The following PDE4B variants were observed in gnomAD, a reference collection of about 807,000 sequenced individuals.
PDE4B encodes the protein phosphodiesterase 4B.
In PDE4B, 20 loss-of-function variants were observed where a neutral mutation model predicts 82.2. The observed-to-expected ratio is 0.24, with a 90% CI of 0.17 to 0.35. The LOEUF is 0.35. PDE4B is among the 10% of genes least tolerant of loss of function. The pLI, the probability that PDE4B is intolerant of heterozygous loss-of-function variation, is 1.00. For missense variants in PDE4B, 655 were observed against 907.2 expected, an observed-to-expected ratio of 0.72 and a Z score of 3.57; for synonymous variants, 320 against 318.9, an observed-to-expected ratio of 1.00 and a Z score of -0.04.
intron 9 of PDE4B, among the ~76,000 whole-genome samples, chr1:66,357,627 CTT>C (rs1662360080): frequency 6.6e-6 from 1 of 151,850 alleles, no homozygotes; most frequent in African/African-American, 2.4e-5. Context: ...CTTATAGACT[CTT>C]AGCATTAAGA....
At chr1:65,845,863 G>A (rs1301521412) in intron 1 of PDE4B, among the ~76,000 whole-genome samples, 2 of 152,116 alleles carry the variant, frequency 1.3e-5, no homozygotes, top group Non-Finnish European at 2.9e-5. Context: ...AGGAAACCAT[G>A]AGAACTCCTC....
intron 1 of PDE4B, among the ~76,000 whole-genome samples, chr1:65,847,723 G>GAAGGTATTAAGGGAAAGTCCGGAA (rs954767896): frequency 6.6e-6 from 1 of 152,192 alleles, no homozygotes; most frequent in African/African-American, 2.4e-5. Context: ...CTAAGAAGCA[G>GAAGGTATTAAGGGAAAGTCCGGAA]AAGGTATTAA....
chr1:66,126,689 G>T (rs1645830898), intron 3 of PDE4B, among the ~76,000 whole-genome samples: 2 of 152,166 alleles, frequency 1.3e-5, no homozygotes, highest in Non-Finnish European at 2.9e-5. Context: ...ATAGTTGCAG[G>T]CAAGATCCAC....
At chr1:66,220,178 A>G (rs941300367) in intron 3 of PDE4B, among the ~76,000 whole-genome samples, 1 of 152,186 alleles carries the variant, frequency 6.6e-6, no homozygotes, top group African/African-American at 2.4e-5. Flanking sequence ...AAAAGTTCAC[A>G]AGATTGGATG....
At chr1:66,341,330 G>T (rs1660966346) in intron 8 of PDE4B, among the ~76,000 whole-genome samples, 1 of 152,328 alleles carries the variant, frequency 6.6e-6, no homozygotes. Context: ...TTCAGCAAAA[G>T]GCTAGATATG....
At chr1:65,879,197 C>G (rs1646682823) in intron 1 of PDE4B, among the ~76,000 whole-genome samples, 1 of 152,088 alleles carries the variant, frequency 6.6e-6, no homozygotes, top group Non-Finnish European at 1.5e-5. Context: ...ATTCTTCCTC[C>G]CAGGCCATAA....
rs1027048929 is a variant in PDE4B at position 66,357,377 on chromosome 1, G to A, written c.841+1757G>A. Reference sequence around the variant, plus strand: ...GTCTACCAAGAAAGAAAGCTGATAAGATAATAAAGATGATTCATTCCTCAG... The same window carrying A: ...GTCTACCAAGAAAGAAAGCTGATAAAATAATAAAGATGATTCATTCCTCAG... On this transcript the variant is annotated intron_variant, in intron 9 of 16. Transcript: ENST00000341517. Among the ~76,000 whole-genome samples the A allele has an allele frequency of 2.0e-5, 3 of 151,876 alleles. No homozygotes were observed. The East Asian group carries it at 5.8e-4, about 29-fold the overall frequency.
intron 9 of PDE4B, 119 bp from the exon 10 acceptor site, chr1:66,361,496 T>C: frequency 1.4e-6 from 1 of 738,546 alleles, no homozygotes; most frequent in East Asian, 2.5e-5. Flanking sequence ...GAAATAGTGC[T>C]ACAAGATTTT....
intron 3 of PDE4B, among the ~76,000 whole-genome samples, chr1:66,145,890 T>G (rs142212648): frequency 9.3e-4 from 141 of 152,298 alleles, no homozygotes; most frequent in Non-Finnish European, 1.8e-3. Flanking sequence ...TCAGCCCTGA[T>G]GTTGAATAAT....
In PDE4B at chr1:65,902,687, C is replaced by G. The variant is rs181365637; in HGVS notation, c.-70-10558C>G. 3.9e-4 allele frequency among the ~76,000 whole-genome samples: 59 copies of G among 152,190 alleles called. 1 individual carries two copies. The highest frequency in any genetic ancestry group is 2.8e-4 in the Non-Finnish European group (19 of 68,006). On this transcript the variant is annotated intron_variant, in intron 1 of 16. Transcript: ENST00000341517. Reference sequence around the variant, plus strand: ...TGTTTCATCTATGATTCCTCAATGCCTATACAGTACACAGCCCTCAGTAAT... The same window carrying G: ...TGTTTCATCTATGATTCCTCAATGCGTATACAGTACACAGCCCTCAGTAAT...
intron 3 of PDE4B, chr1:65,993,126 A>G: frequency 6.2e-7 from 1 of 1,613,118 alleles, no homozygotes; most frequent in Non-Finnish European, 8.5e-7. Flanking sequence ...TCGTCGCTTC[A>G]CTGTGGCTCA....
At chr1:66,098,042 T>A (rs951081609) in intron 3 of PDE4B, among the ~76,000 whole-genome samples, 1 of 152,100 alleles carries the variant, frequency 6.6e-6, no homozygotes, top group African/African-American at 2.4e-5. Flanking sequence ...TTCTTGCGGA[T>A]GCTCCATGTA....
intron 1 of PDE4B, among the ~76,000 whole-genome samples, chr1:65,840,053 T>C (rs1646189213): frequency 6.6e-6 from 1 of 152,208 alleles, no homozygotes; most frequent in Admixed American, 6.6e-5. Flanking sequence ...GAAGTTAGTA[T>C]GTGTAAATTG....
chr1:66,235,472 T>G (rs569040217), intron 3 of PDE4B, among the ~76,000 whole-genome samples: 5 of 152,366 alleles, frequency 3.3e-5, no homozygotes, highest in African/African-American at 1.2e-4. Context: ...GGTAATATTC[T>G]TAACTCTGGA....
intron 1 of PDE4B, among the ~76,000 whole-genome samples, chr1:65,808,767 G>T (rs1050955499): frequency 3.9e-5 from 6 of 152,154 alleles, no homozygotes; most frequent in African/African-American, 1.4e-4. Flanking sequence ...AGTACAAAAG[G>T]TTTCTATGTG....
At chr1:65,959,447 C>T (rs566460603) in intron 3 of PDE4B, among the ~76,000 whole-genome samples, 6 of 152,020 alleles carry the variant, frequency 3.9e-5, no homozygotes, top group Admixed American at 2.0e-4. Flanking sequence ...AGCTTCCTGT[C>T]GGATATGAGA....
chr1:65,949,620 C>A (rs1259904671), intron 3 of PDE4B, among the ~76,000 whole-genome samples: 1 of 152,084 alleles, frequency 6.6e-6, no homozygotes, highest in Admixed American at 6.6e-5. Context: ...CATATAATTT[C>A]TTTTCTGCTT....
At chr1:65,975,616 G>A (rs1007669304) in intron 3 of PDE4B, among the ~76,000 whole-genome samples, 3 of 152,340 alleles carry the variant, frequency 2.0e-5, no homozygotes, top group Non-Finnish European at 2.9e-5. Flanking sequence ...GCCCAGAGGT[G>A]TAGGAGGGAA....
intron 7 of PDE4B, among the ~76,000 whole-genome samples, chr1:66,279,104 C>T (rs896495637): frequency 5.9e-5 from 9 of 152,234 alleles, no homozygotes; most frequent in Admixed American, 3.9e-4. Flanking sequence ...AACCATTTTC[C>T]ATATAGGCCC....
Sources: allele counts gnomAD v4.1 joint callset (sites outside exome capture counted in the v4.1 genomes callset), GRCh38; gene constraint gnomAD v4.1.1; transcripts MANE v1.5; gene names NCBI Gene and HGNC (gene_info 2026-07-23, HGNC 2026-07-21).